GALNT1: variants seen among roughly 807,000 people sequenced by gnomAD.
GALNT1 encodes the protein polypeptide N-acetylgalactosaminyltransferase 1, also known as GalNAc transferase 1.
A neutral mutation model predicts 65.7 loss-of-function variants in GALNT1; 17 were observed. The ratio of observed to expected loss-of-function variants is 0.26; its 90% CI spans 0.18 to 0.39. The LOEUF is 0.39. Among genes scored for constraint, GALNT1 ranks in the 10% least tolerant of loss-of-function variants. The probability of loss-of-function intolerance (pLI) is 1.00; values close to 1 mark genes in which losing one functional copy is unlikely to be tolerated. For synonymous variants in GALNT1, 210 were observed against 219.7 expected (o/e 0.96, Z 0.39); for missense variants, 460 against 672.8 (o/e 0.68, Z 3.50).
In GALNT1 at chr18:35,641,726, A is replaced by T. The variant is rs78476652; in HGVS notation, c.-103-12834A>T. ...TATAACACATCCACCACGTGCAGTG[A>T]TATAACAGTTCACATCTGGTGGGTG... On this transcript the variant is annotated intron_variant, in intron 1 of 11. Coordinates refer to ENST00000269195, the MANE Select transcript of GALNT1 (RefSeq NM_020474.4). 2.5e-3 allele frequency among the ~76,000 whole-genome samples: 385 copies of T among 152,340 alleles called. 1 individual carries two copies. The highest frequency in any genetic ancestry group is 8.5e-3 in the African/African-American group (353 of 41,574).
intron 10 of GALNT1, 109 bp downstream of exon 10, chr18:35,703,104 G>C: frequency 3.2e-6 from 2 of 628,614 alleles, no homozygotes; most frequent in Non-Finnish European, 5.3e-6. Flanking sequence ...CCTTTAAAGA[G>C]AAAATAATAA....
At chr18:35,705,824 T>C (rs186868921) in intron 11 of GALNT1, among the ~76,000 whole-genome samples, 46 of 152,344 alleles carry the variant, frequency 3.0e-4, no homozygotes, top group African/African-American at 1.1e-3. Flanking sequence ...ATGTCAGGGA[T>C]AACGTTGTTG....
intron 3 of GALNT1, 197 bp downstream of exon 3, chr18:35,663,999 C>G (rs2047511309): frequency 1.9e-6 from 1 of 515,896 alleles, no homozygotes; most frequent in Non-Finnish European, 3.4e-6. Context: ...CTATGTATTT[C>G]AGGCATTGGA....
At chr18:35,703,073 C>T in intron 10 of GALNT1, 78 bp downstream of exon 10, 2 of 748,408 alleles carry the variant, frequency 2.7e-6, no homozygotes, top group Non-Finnish European at 4.2e-6. Context: ...ACCATGACAT[C>T]ATTCAGGAAA....
chr18:35,601,883 C>T (rs1391429611), intron 1 of GALNT1, among the ~76,000 whole-genome samples: 3 of 152,126 alleles, frequency 2.0e-5, no homozygotes, highest in Admixed American at 2.0e-4. Context: ...GTCTTTTAGT[C>T]GTCATTCTAG....
chr18:35,697,172 A>G (rs896173799), intron 9 of GALNT1, among the ~76,000 whole-genome samples: 3 of 152,204 alleles, frequency 2.0e-5, no homozygotes, highest in Non-Finnish European at 2.9e-5. Flanking sequence ...CCTGCTATGT[A>G]TCTGTCCCTG....
intron 1 of GALNT1, among the ~76,000 whole-genome samples, chr18:35,649,220 CT>C (rs1288296879): frequency 2.6e-5 from 4 of 152,178 alleles, no homozygotes; most frequent in Non-Finnish European, 4.4e-5. Context: ...CTTTCCAGCA[CT>C]TGTTGTTTTT....
At chr18:35,656,737 G>A (rs1236079417) in intron 2 of GALNT1, among the ~76,000 whole-genome samples, 1 of 152,180 alleles carries the variant, frequency 6.6e-6, no homozygotes, top group Non-Finnish European at 1.5e-5. Flanking sequence ...AGGCCTGATC[G>A]GACCTGGACT....
chr18:35,595,869 A>G (rs2046498640), intron 1 of GALNT1: 1 of 152,194 alleles, frequency 6.6e-6, no homozygotes, highest in Non-Finnish European at 1.5e-5. Flanking sequence ...CCTCAAAATT[A>G]TTTTCTGAAT....
chr18:35,665,461 T>C, intron 3 of GALNT1, among the ~76,000 whole-genome samples: 1 of 152,106 alleles, frequency 6.6e-6, no homozygotes, highest in East Asian at 1.9e-4. Context: ...ATCCACAAAA[T>C]TTTCCATAAC....
intron 1 of GALNT1, among the ~76,000 whole-genome samples, chr18:35,615,325 T>C (rs1427835543): frequency 6.6e-6 from 1 of 152,158 alleles, no homozygotes; most frequent in Non-Finnish European, 1.5e-5. Flanking sequence ...ACAGAGCTAA[T>C]GTTACAAATC....
intron 1 of GALNT1, among the ~76,000 whole-genome samples, chr18:35,594,135 A>G (rs2046477144): frequency 1.3e-5 from 2 of 151,960 alleles, no homozygotes; most frequent in South Asian, 4.2e-4. Context: ...TCTCTGGCAT[A>G]ACTTTGCCTG....
chr18:35,650,865 A>T (rs1186892071), intron 1 of GALNT1, among the ~76,000 whole-genome samples: 1 of 152,174 alleles, frequency 6.6e-6, no homozygotes, highest in African/African-American at 2.4e-5. Context: ...CTGAGGCGAC[A>T]TTCATTCTCA....
chr18:35,585,962 T>G (rs976786477), intron 1 of GALNT1, among the ~76,000 whole-genome samples: 2 of 152,224 alleles, frequency 1.3e-5, no homozygotes, highest in Admixed American at 1.3e-4. Context: ...AACAGAGTCT[T>G]TATTTCTCTG....
chr18:35,643,491 C>T (rs1201350219), intron 1 of GALNT1, among the ~76,000 whole-genome samples: 4 of 152,124 alleles, frequency 2.6e-5, no homozygotes, highest in East Asian at 3.9e-4. Flanking sequence ...TGGCTGGGCA[C>T]GGTGGCTCAC....
At chr18:35,706,442 C>T (rs1169095251) in intron 11 of GALNT1, among the ~76,000 whole-genome samples, 1 of 152,038 alleles carries the variant, frequency 6.6e-6, no homozygotes, top group Non-Finnish European at 1.5e-5. Context: ...GCGGAGTTTG[C>T]AGTGAGCCGA....
At chr18:35,649,048 G>A (rs1302123572) in intron 1 of GALNT1, among the ~76,000 whole-genome samples, 1 of 152,198 alleles carries the variant, frequency 6.6e-6, no homozygotes, top group Non-Finnish European at 1.5e-5. Context: ...CTGCTATAAA[G>A]ATGTGCATAC....
chr18:35,605,359 G>A (rs1278379027), intron 1 of GALNT1, among the ~76,000 whole-genome samples: 1 of 151,964 alleles, frequency 6.6e-6, no homozygotes, highest in African/African-American at 2.4e-5. Context: ...TTAGCCGGGT[G>A]TGATGATGGG....
At chr18:35,589,931 G>A (rs373284035) in intron 1 of GALNT1, among the ~76,000 whole-genome samples, 1 of 152,236 alleles carries the variant, frequency 6.6e-6, no homozygotes. Context: ...TGCTACCAAA[G>A]TTTCTAAATG....
Sources: gnomAD v4.1 joint callset for allele counts (sites outside exome capture counted in the v4.1 genomes callset) on GRCh38, gnomAD v4.1.1 for gene constraint, MANE v1.5 for transcripts, NCBI Gene and HGNC (gene_info 2026-07-23, HGNC 2026-07-21) for gene names.